Variants in KCNQ1 observed in about 807,000 individuals in gnomAD.
KCNQ1 encodes potassium voltage-gated channel subfamily Q member 1.
Under a neutral mutation model 72.4 loss-of-function variants are expected in KCNQ1, and 49 were observed. The ratio of observed to expected loss-of-function variants is 0.68; its 90% CI spans 0.54 to 0.86. The LOEUF (loss-of-function observed/expected upper bound fraction) is 0.86, where lower values mean the gene tolerates loss of function less well. Among genes scored for constraint, KCNQ1 ranks in the 40% least tolerant of loss-of-function variants. The pLI is 0.00. For missense variants in KCNQ1, 790 were observed against 945.1 expected, an observed-to-expected ratio of 0.84 and a Z score of 2.15; for synonymous variants, 450 against 412.6, an observed-to-expected ratio of 1.09 and a Z score of -1.10.
rs1394878341 is a variant in KCNQ1, at chr11:2,669,364, G to A, written c.1514+7283G>A. On this transcript the variant is annotated intron_variant, in intron 11 of 15. Transcript: ENST00000155840. This position sits in a 1 kb window ranked among gnomAD's most constrained non-coding sequence, Gnocchi z 5.6. ...CCTCTAGATGGGCATGGGAGAATGGGTATCCTTATAGTTTTGGGGCTCCTG... is the reference window on the plus strand; with the variant it reads ...CCTCTAGATGGGCATGGGAGAATGGATATCCTTATAGTTTTGGGGCTCCTG... The A allele has an allele frequency of 1.5e-5, 6 of 398,494 alleles. No individual in the cohort carries two copies. In the East Asian group the frequency reaches 1.8e-4, roughly 12 times the overall value. The allele number at this position is 398,494 out of a possible 1,614,324, so 24.7% of individuals were successfully genotyped here. A position where few individuals can be genotyped will look rare whatever the true frequency, so the allele number is the denominator to read the frequency against.
chr11:2,819,811 T>C (rs1372661495), intron 15 of KCNQ1, among the ~76,000 whole-genome samples: 2 of 152,248 alleles, frequency 1.3e-5, no homozygotes. Context: ...AATGGGTTTA[T>C]GTTTCTTAGG....
In KCNQ1 at chr11:2,658,352, G is replaced by A. The variant is rs1564847733; in HGVS notation, c.1394-3609G>A. 2.5e-6 allele frequency: 1 copy of A among 398,398 alleles called. No individual in the cohort carries two copies. The highest frequency in any genetic ancestry group is 2.1e-5 in the African/African-American group (1 of 48,590). 24.7% of individuals were successfully genotyped at this position (398,398 alleles called of 1,614,324 possible). A position where few individuals can be genotyped will look rare whatever the true frequency, so the allele number is the denominator to read the frequency against. ...CAATTGTTTATTTAATTTTATCAGT[G>A]TGGATTTGGGAGTATTTATTTTTTG... On this transcript the variant is annotated intron_variant, in intron 10 of 15. Coordinates refer to ENST00000155840, the MANE Select transcript of KCNQ1 (RefSeq NM_000218.3). This position sits in a 1 kb window ranked among gnomAD's most constrained non-coding sequence, Gnocchi z 4.9.
Position 2,768,802 on chromosome 11 carries a change from C to T in KCNQ1, c.1515-42C>T. ...AGGGGCAGTGAGGGGATGACCAGCA[C>T]AGGGTGGCCACTCACAATCTCCTCT... On this transcript the variant is annotated intron_variant, in intron 11 of 15. Transcript: ENST00000155840. This position sits in a 1 kb window ranked among gnomAD's most constrained non-coding sequence, Gnocchi z 6.7. 6.6e-7 allele frequency: 1 copy of T among 1,504,832 alleles called. No individual in the cohort carries two copies. The highest frequency in any genetic ancestry group is 1.4e-5 in the African/African-American group (1 of 72,772). The allele number at this position is 1,504,832 out of a possible 1,614,324, so 93.2% of individuals were successfully genotyped here. A position where few individuals can be genotyped will look rare whatever the true frequency, so the allele number is the denominator to read the frequency against.
At chr11:2,465,597 C>G (rs74618249) in intron 1 of KCNQ1, among the ~76,000 whole-genome samples, 1,759 of 152,344 alleles carry the variant, frequency 0.012, 22 homozygotes, top group South Asian at 0.029. Context: ...GCTGGCCCCT[C>G]TCACACCTTG....
chr11:2,723,655 T>A lies in KCNQ1; in HGVS notation c.1515-45189T>A, dbSNP rs1046677886. On this transcript the variant is annotated intron_variant, in intron 11 of 15. Transcript: ENST00000155840. The surrounding 1 kb of genome is among the most constrained non-coding windows in gnomAD (Gnocchi z 4.2). Reference sequence around the variant, plus strand: ...GCCTCGAATCCCTCACACCTAGCGGTTGGCTGGGCAGGTGGACTGGTCCGA... The same window carrying A: ...GCCTCGAATCCCTCACACCTAGCGGATGGCTGGGCAGGTGGACTGGTCCGA... 1.9e-4 allele frequency among the ~76,000 whole-genome samples: 29 copies of A among 152,326 alleles called. No individual in the cohort carries two copies. The highest frequency in any genetic ancestry group is 4.4e-5 in the Non-Finnish European group (3 of 68,026).
Position 2,612,206 on chromosome 11 carries a change from T to C in KCNQ1, c.1393+23352T>C, listed in dbSNP as rs566110198. The C allele has an allele frequency of 3.4e-4, 137 of 398,548 alleles. No individual in the cohort carries two copies. Among genetic ancestry groups the C allele is most frequent in the Middle Eastern group, 1.9e-3 (3 of 1,610 alleles). 24.7% of individuals were successfully genotyped at this position (398,548 alleles called of 1,614,324 possible). A position where few individuals can be genotyped will look rare whatever the true frequency, so the allele number is the denominator to read the frequency against. On this transcript the variant is annotated intron_variant, in intron 10 of 15. Transcript: ENST00000155840. This position sits in a 1 kb window ranked among gnomAD's most constrained non-coding sequence, Gnocchi z 5.5. ...GGCAAGCAAGCATTACTGCCTGAGC[T>C]CTGCCTCCTGTCTGATCAGTGATGG...
At position 2,509,426 on chromosome 11, in the gene KCNQ1, T is replaced by C. The variant is rs867966600; in HGVS notation, c.387-18502T>C. 6.6e-6 allele frequency among the ~76,000 whole-genome samples: 1 copy of C among 152,086 alleles called. No homozygotes were observed. The highest frequency in any genetic ancestry group is 1.5e-5 in the Non-Finnish European group (1 of 68,000). On this transcript the variant is annotated intron_variant, in intron 1 of 15. Coordinates refer to ENST00000155840, the MANE Select transcript of KCNQ1 (RefSeq NM_000218.3). The surrounding 1 kb of genome is among the most constrained non-coding windows in gnomAD (Gnocchi z 6.3). Reference sequence around the variant, plus strand: ...CTCCCTTTGCTCCAGTGAGTGGCCGTTGGCTGGGAGGCTGGGTCTGTGCTG... The same window carrying C: ...CTCCCTTTGCTCCAGTGAGTGGCCGCTGGCTGGGAGGCTGGGTCTGTGCTG...
At chr11:2,528,111 C>A in intron 2 of KCNQ1, 93 bp downstream of exon 2, 1 of 1,045,630 alleles carries the variant, frequency 9.6e-7, no homozygotes, top group Non-Finnish European at 1.5e-6. Flanking sequence ...GGGGGCAGAG[C>A]CACTCCCAGC....
chr11:2,466,337 C>T (rs531519859), intron 1 of KCNQ1, among the ~76,000 whole-genome samples: 12 of 152,136 alleles, frequency 7.9e-5, no homozygotes, highest in South Asian at 2.1e-4. Context: ...GCTGGGACTT[C>T]CCCTCCCCAG....
At chr11:2,501,246 G>GT (rs1395306014) in intron 1 of KCNQ1, among the ~76,000 whole-genome samples, 85 of 59,598 alleles carry the variant, frequency 1.4e-3, no homozygotes, top group Admixed American at 1.9e-3. Flanking sequence ...ATAAAAAGTT[G>GT]GTTTTTTTTT....
chr11:2,599,903 G>A lies in KCNQ1; in HGVS notation c.1393+11049G>A, dbSNP rs372526664. Among the ~76,000 whole-genome samples the A allele has an allele frequency of 2.6e-5, 4 of 152,362 alleles. No individual in the cohort carries two copies. The highest frequency in any genetic ancestry group is 6.5e-5 in the Admixed American group (1 of 15,310). On this transcript the variant is annotated intron_variant, in intron 10 of 15. Coordinates refer to ENST00000155840, the MANE Select transcript of KCNQ1 (RefSeq NM_000218.3). The surrounding 1 kb of genome is among the most constrained non-coding windows in gnomAD (Gnocchi z 4.7). ...TCACGTGCCGAGGTATTAAAGACCA[G>A]GGCTTCAACTGCAAACCTTGTGGGA...
intron 12 of KCNQ1, among the ~76,000 whole-genome samples, chr11:2,775,383 T>C (rs1054600962): frequency 6.6e-6 from 1 of 152,186 alleles, no homozygotes; most frequent in Non-Finnish European, 1.5e-5. Flanking sequence ...AAGCAGATGC[T>C]CGTCACCCAC....
chr11:2,488,844 G>T lies in KCNQ1; in HGVS notation c.387-39084G>T, dbSNP rs1846785703. On this transcript the variant is annotated intron_variant, in intron 1 of 15. Transcript: ENST00000155840. This position sits in a 1 kb window ranked among gnomAD's most constrained non-coding sequence, Gnocchi z 5.1. ...CTATTGTTTTTCTATTCTCTATTTT[G>T]TTGGTCTCTGCTGTGGTATTTATTA... 6.6e-6 allele frequency among the ~76,000 whole-genome samples: 1 copy of T among 152,070 alleles called. No individual in the cohort carries two copies. Among genetic ancestry groups the T allele is most frequent in the South Asian group, 2.1e-4 (1 of 4,824 alleles).
Position 2,740,403 on chromosome 11 carries a change from A to G in KCNQ1, c.1515-28441A>G, listed in dbSNP as rs1299585785. 2.0e-5 allele frequency among the ~76,000 whole-genome samples: 3 copies of G among 152,348 alleles called. No homozygotes were observed. In the South Asian group the frequency reaches 6.2e-4, roughly 32 times the overall value. ...CTATTTAAGGAACAATGTTAAGCAAACAATAGTACAGGTGTTCAAAGATAT... is the reference window on the plus strand; with the variant it reads ...CTATTTAAGGAACAATGTTAAGCAAGCAATAGTACAGGTGTTCAAAGATAT... On this transcript the variant is annotated intron_variant, in intron 11 of 15. Coordinates refer to ENST00000155840, the MANE Select transcript of KCNQ1 (RefSeq NM_000218.3).
In KCNQ1 at chr11:2,827,256, G is replaced by C. The variant is rs1847858421; in HGVS notation, c.1795-20511G>C. Among the ~76,000 whole-genome samples the C allele has an allele frequency of 6.6e-6, 1 of 151,938 alleles. No individual in the cohort carries two copies. Among genetic ancestry groups the C allele is most frequent in the South Asian group, 2.1e-4 (1 of 4,818 alleles). On this transcript the variant is annotated intron_variant, in intron 15 of 15. Coordinates refer to ENST00000155840, the MANE Select transcript of KCNQ1 (RefSeq NM_000218.3). This position sits in a 1 kb window ranked among gnomAD's most constrained non-coding sequence, Gnocchi z 6.7. ...GACAGCCCAAATAAGAGAGAACTTT[G>C]CCACCCGCAGGGTCCCAGAGTAGCA... is the stretch of plus-strand genomic sequence containing the variant.
intron 10 of KCNQ1, chr11:2,633,277 C>A (rs1260650940): frequency 2.5e-6 from 1 of 398,372 alleles, no homozygotes; most frequent in Non-Finnish European, 4.4e-6. Flanking sequence ...CTTGTATATT[C>A]CGGATATTAA....
intron 11 of KCNQ1, among the ~76,000 whole-genome samples, chr11:2,733,814 A>ACACACACACACACACACACTCTCTCTCT: frequency 3.5e-5 from 3 of 86,652 alleles, no homozygotes; most frequent in Admixed American, 1.2e-4. Flanking sequence ...ACACACACAC[A>ACACACACACACACACACACTCTCTCTCT]CTCTCTCACT....
rs1332902104 is a variant in KCNQ1 at position 2,766,468 on chromosome 11, G to C, written c.1515-2376G>C. Among the ~76,000 whole-genome samples, 2 of 152,240 alleles carry C rather than the reference G, an allele frequency of 1.3e-5. No individual in the cohort carries two copies. On this transcript the variant is annotated intron_variant, in intron 11 of 15. Transcript: ENST00000155840. The surrounding 1 kb of genome is among the most constrained non-coding windows in gnomAD (Gnocchi z 4.4). ...TGTCCATGAGCCAACAGAATTCTAAGAGGGTAAGAGTAGATGCCACAAGGT... is the reference window on the plus strand; with the variant it reads ...TGTCCATGAGCCAACAGAATTCTAACAGGGTAAGAGTAGATGCCACAAGGT...
chr11:2,791,546 C>T (rs1259071389), intron 15 of KCNQ1, among the ~76,000 whole-genome samples: 1 of 151,956 alleles, frequency 6.6e-6, no homozygotes, highest in Non-Finnish European at 1.5e-5. Flanking sequence ...CCCTCCCTCC[C>T]GGGGAGGGGA....
Sources: gnomAD v4.1 joint callset for allele counts (sites outside exome capture counted in the v4.1 genomes callset) on GRCh38, gnomAD v4.1.1 for gene constraint, Gnocchi (gnomAD v3.1) non-coding constraint, MANE v1.5 for transcripts, NCBI Gene and HGNC (gene_info 2026-07-23, HGNC 2026-07-21) for gene names.